Variants in NLRP12 observed in about 807,000 individuals in gnomAD.
The protein encoded by NLRP12 is NLR family pyrin domain containing 12.
In NLRP12, 108 loss-of-function variants were observed where a neutral mutation model predicts 91.2. The ratio of observed to expected loss-of-function variants is 1.18; its 90% CI spans 1.01 to 1.39. The LOEUF (loss-of-function observed/expected upper bound fraction) is 1.39. Among genes scored for constraint, NLRP12 ranks in the 40% most tolerant of loss-of-function variants. The probability of loss-of-function intolerance (pLI) is 0.00; values close to 1 mark genes in which losing one functional copy is unlikely to be tolerated. For synonymous variants in NLRP12, 613 were observed against 566.7 expected (o/e 1.08, Z -1.16); for missense variants, 1,530 against 1,352.7 (o/e 1.13, Z -2.06).
Position 53,810,536 on chromosome 19 carries a change from A to G in NLRP12, c.1123T>C (p.Tyr375His). Residue 375 changes from tyrosine (Y) to histidine (H), a missense_variant, in exon 3 of 10, where the codon TAC (tyrosine) becomes CAC (histidine). By Grantham distance (83) the Tyr-to-His change is moderately conservative. Transcript: ENST00000324134. The stretch of plus-strand genomic sequence containing the variant: ...TGCTCTGCATTGTGGAAATACTTGT[A>G]GAAGTATTCCTTCCTTTCTGCCTCA... ...FSEAERKEYF[Y>H]KYFHNAEQAG... 6.2e-7 allele frequency: 1 copy of G among 1,614,134 alleles called. No homozygotes were observed. The highest frequency in any genetic ancestry group is 8.5e-7 in the Non-Finnish European group (1 of 1,180,030).
In NLRP12 at chr19:53,810,206, C is replaced by T. The variant is rs1268047610; in HGVS notation, c.1453G>A (p.Gly485Ser). ...GCAGAGACGTCTTCCCCGTCTAGGCCGTGCTTCCGGAGGTCCTGCTCCTCA... is the reference window on the plus strand; with the variant it reads ...GCAGAGACGTCTTCCCCGTCTAGGCTGTGCTTCCGGAGGTCCTGCTCCTCA... ...LFEEQDLRKH[G>S]LDGEDVSAFL... Residue 485 changes from glycine to serine, a missense_variant, in exon 3 of 10, where the codon GGC becomes AGC. Gly to Ser is a moderately conservative substitution (Grantham distance 56). Coordinates refer to ENST00000324134, the MANE Select transcript of NLRP12 (RefSeq NM_144687.4). 6.2e-7 allele frequency: 1 copy of T among 1,614,180 alleles called. No homozygotes were observed. The highest frequency in any genetic ancestry group is 8.5e-7 in the Non-Finnish European group (1 of 1,180,042).
At chr19:53,802,165 T>C (rs906279301) in intron 6 of NLRP12, among the ~76,000 whole-genome samples, 4 of 151,890 alleles carry the variant, frequency 2.6e-5, no homozygotes, top group Non-Finnish European at 5.9e-5. Flanking sequence ...AGGCGGAGGT[T>C]GCCGTGAGCT....
chr19:53,805,417 G>C lies in NLRP12; in HGVS notation c.2277C>G (p.Cys759Trp). Residue 759 changes from cysteine (C) to tryptophan (W), a missense_variant, in exon 5 of 10, where the codon TGC becomes TGG. Cys to Trp is a radical substitution (Grantham distance 215). Coordinates refer to ENST00000324134, the MANE Select transcript of NLRP12 (RefSeq NM_144687.4). Reference sequence around the variant, plus strand: ...CTATGAGAGCTGCAGAGAGGTCCTCGCAGGCTGAGCTGGAGATGCGGCACC... The same window carrying C: ...CTATGAGAGCTGCAGAGAGGTCCTCCCAGGCTGAGCTGGAGATGCGGCACC... ...LKRCRISSSA[C>W]EDLSAALIAN... 6.2e-7 allele frequency: 1 copy of C among 1,614,012 alleles called. No individual in the cohort carries two copies. Among genetic ancestry groups the C allele is most frequent in the Non-Finnish European group, 8.5e-7 (1 of 1,179,988 alleles).
intron 3 of NLRP12, 73 bp downstream of exon 3, chr19:53,809,514 G>A (rs1387687074): frequency 3.7e-6 from 3 of 806,644 alleles, no homozygotes; most frequent in Non-Finnish European, 5.2e-6. Context: ...CTAGGCAACA[G>A]AGCAAAAAAA....
At chr19:53,823,504 A>T (rs1266252526) in intron 1 of NLRP12, among the ~76,000 whole-genome samples, 4 of 87,360 alleles carry the variant, frequency 4.6e-5, no homozygotes, top group African/African-American at 1.9e-4. Context: ...ATTTATTTAA[A>T]ATATATATTT....
At chr19:53,798,463 A>C in intron 7 of NLRP12, 50 bp from the exon 8 acceptor site, 1 of 1,577,124 alleles carries the variant, frequency 6.3e-7, no homozygotes, top group Non-Finnish European at 8.6e-7. Flanking sequence ...CTCCTGCAAA[A>C]TCTGCTGGGA....
At chr19:53,805,553 T>C (rs1389940864) in intron 4 of NLRP12, 103 bp from the exon 5 acceptor site, 1 of 1,315,324 alleles carries the variant, frequency 7.6e-7, no homozygotes. Flanking sequence ...AGAGTCGCTC[T>C]GTCACCCAGG....
intron 1 of NLRP12, among the ~76,000 whole-genome samples, chr19:53,818,138 G>A (rs560489583): frequency 2.0e-5 from 3 of 150,894 alleles, no homozygotes; most frequent in East Asian, 3.9e-4. Context: ...GGCTGGAGTA[G>A]TGTGGCATGA....
chr19:53,806,464 C>T (rs965342890), intron 4 of NLRP12, among the ~76,000 whole-genome samples: 8 of 151,594 alleles, frequency 5.3e-5, no homozygotes, highest in African/African-American at 1.2e-4. Context: ...GGGTGGATCA[C>T]GAGGTTAGAG....
chr19:53,804,185 G>T lies in NLRP12; in HGVS notation c.2415-63C>A. The T allele has an allele frequency of 2.6e-6, 4 of 1,540,444 alleles. No homozygotes were observed. The South Asian group carries it at 4.6e-5, about 18-fold the overall frequency. On this transcript the variant is annotated intron_variant, in intron 5 of 9. Coordinates refer to ENST00000324134, the MANE Select transcript of NLRP12 (RefSeq NM_144687.4). ...GCTTTTCTATGTCGTGATCACTCAT[G>T]CTCCAGCCTGTTATTTTATTATTTA...
intron 7 of NLRP12, among the ~76,000 whole-genome samples, chr19:53,799,991 T>A (rs1412498267): frequency 6.6e-6 from 1 of 151,910 alleles, no homozygotes; most frequent in African/African-American, 2.4e-5. Flanking sequence ...AATCGAGACC[T>A]TGTCCCTACA....
In NLRP12 at chr19:53,824,090, T is replaced by G; in HGVS notation, c.85A>C (p.Lys29Gln). 1 of 1,614,084 alleles carries G rather than the reference T, an allele frequency of 6.2e-7. No individual in the cohort carries two copies. Among genetic ancestry groups the G allele is most frequent in the Non-Finnish European group, 8.5e-7 (1 of 1,180,012 alleles). The change falls in exon 1 of 10, where the codon AAG (lysine) becomes CAG (glutamine). Residue 29 changes from lysine (K) to glutamine (Q), a missense_variant. Physicochemically the swap from Lys to Gln is moderately conservative, Grantham distance 53 (BLOSUM62 1). Transcript: ENST00000324134. Reference sequence around the variant, plus strand: ...TCTGTCGCGGTCCCCAGGTATAACTTGAACTTCTTCAGTTCCACAGCCTCG... The same window carrying G: ...TCTGTCGCGGTCCCCAGGTATAACTGGAACTTCTTCAGTTCCACAGCCTCG... The part of the protein sequence containing the change: ...ELEAVELKKF[K>Q]LYLGTATELG...
intron 4 of NLRP12, among the ~76,000 whole-genome samples, chr19:53,806,954 C>T (rs929819947): frequency 6.6e-6 from 1 of 152,084 alleles, no homozygotes; most frequent in Non-Finnish European, 1.5e-5. Flanking sequence ...GATCTGCAGG[C>T]CCAGGACAGA....
chr19:53,807,483 G>T lies in NLRP12; in HGVS notation c.2243+12C>A, dbSNP rs765376151. The T allele has an allele frequency of 6.2e-7, 1 of 1,612,778 alleles. No individual in the cohort carries two copies. Among genetic ancestry groups the T allele is most frequent in the East Asian group, 2.2e-5 (1 of 44,850 alleles). ...GGGACCACCTGAAACGCCCAGACCA[G>T]CCTGCACTCACCTCAGGTTCTGAAG... On this transcript the variant is annotated intron_variant, in intron 4 of 9. Transcript: ENST00000324134.
At chr19:53,823,088 T>TATATACACACAC (rs1568701500) in intron 1 of NLRP12, among the ~76,000 whole-genome samples, 5 of 151,466 alleles carry the variant, frequency 3.3e-5, no homozygotes, top group Non-Finnish European at 5.9e-5. Flanking sequence ...TTAAAATATA[T>TATATACACACAC]ATACACACAC....
intron 1 of NLRP12, 44 bp downstream of exon 1, chr19:53,823,842 A>C: frequency 6.2e-7 from 1 of 1,610,058 alleles, no homozygotes; most frequent in Non-Finnish European, 8.5e-7. Flanking sequence ...GAGTCACTGG[A>C]CCCGGCTGGC....
chr19:53,806,268 G>A (rs1209438529), intron 4 of NLRP12, among the ~76,000 whole-genome samples: 3 of 152,002 alleles, frequency 2.0e-5, no homozygotes, highest in African/African-American at 7.2e-5. Flanking sequence ...GCTAGGCACA[G>A]TGGCTCACAC....
chr19:53,824,225 A>G lies in NLRP12; in HGVS notation c.-51T>C, dbSNP rs746411763. The G allele has an allele frequency of 6.3e-7, 1 of 1,591,386 alleles. No homozygotes were observed. Among genetic ancestry groups the G allele is most frequent in the East Asian group, 2.2e-5 (1 of 44,774 alleles). The stretch of plus-strand genomic sequence containing the variant: ...AGGACCTGGAGGCTGAGATGCTCCT[A>G]TGCACGGGACACAGGGCGACCCCAG... On this transcript the variant is annotated 5_prime_UTR_variant, in exon 1 of 10. The change abolishes the stop of an existing upstream ORF in the 5' untranslated region. Transcript: ENST00000324134.
chr19:53,801,365 C>G lies in NLRP12; in HGVS notation c.2618G>C (p.Cys873Ser), dbSNP rs1008086271. The change falls in exon 7 of 10, where the codon TGT becomes TCT. Residue 873 changes from cysteine to serine, a missense_variant. Physicochemically the swap from Cys to Ser is moderately radical, Grantham distance 112. Coordinates refer to ENST00000324134, the MANE Select transcript of NLRP12 (RefSeq NM_144687.4). Reference protein sequence around the residue: ...LKICRLTAAACDELASTLSVN... With the variant: ...LKICRLTAAASDELASTLSVN... ...ACTGAGAGTTGAGGCCAGCTCGTCA[C>G]AGGCAGCAGCAGTGAGGCGGCAGAT... 2 of 1,613,560 alleles carry G rather than the reference C, an allele frequency of 1.2e-6. No homozygotes were observed. The highest frequency in any genetic ancestry group is 1.7e-6 in the Non-Finnish European group (2 of 1,179,976).
Sources: allele counts gnomAD v4.1 joint callset (sites outside exome capture counted in the v4.1 genomes callset), GRCh38; gene constraint gnomAD v4.1.1; transcripts MANE v1.5; gene names NCBI Gene and HGNC (gene_info 2026-07-23, HGNC 2026-07-21).